The following ZFR2 variants were observed in gnomAD, a reference collection of about 807,000 sequenced individuals.
ZFR2 encodes zinc finger RNA-binding protein 2.
In ZFR2, 104 loss-of-function variants were observed where a neutral mutation model predicts 105.7. The observed-to-expected ratio is 0.98, with a 90% CI of 0.84 to 1.16. ZFR2 has a LOEUF of 1.16. Ranked by LOEUF, ZFR2 falls within the 50% of genes most tolerant of loss-of-function variation. The probability of loss-of-function intolerance (pLI) is 0.00; values close to 1 mark genes in which losing one functional copy is unlikely to be tolerated. For missense variants in ZFR2, 1,425 were observed against 1,355.5 expected (o/e 1.05, Z -0.80); for synonymous variants, 634 against 597.7 (o/e 1.06, Z -0.89).
intron 1 of ZFR2, among the ~76,000 whole-genome samples, chr19:3,837,556 C>G (rs1239397693): frequency 6.7e-6 from 1 of 150,044 alleles, no homozygotes; most frequent in Non-Finnish European, 1.5e-5. Flanking sequence ...CGATGAACAC[C>G]GTGACCGTGA....
intron 1 of ZFR2, among the ~76,000 whole-genome samples, chr19:3,866,062 G>A (rs957230621): frequency 7.9e-5 from 12 of 152,132 alleles, no homozygotes; most frequent in African/African-American, 2.4e-4. Flanking sequence ...GGCTGGTCTC[G>A]AACTCCTGAC....
intron 1 of ZFR2, among the ~76,000 whole-genome samples, chr19:3,867,011 T>A (rs1294386742): frequency 6.6e-6 from 1 of 152,120 alleles, no homozygotes; most frequent in African/African-American, 2.4e-5. Flanking sequence ...TTTCTCTTTG[T>A]GATTCCATTA....
At chr19:3,868,585 C>A (rs2038461646) in intron 1 of ZFR2, among the ~76,000 whole-genome samples, 1 of 151,476 alleles carries the variant, frequency 6.6e-6, no homozygotes, top group Non-Finnish European at 1.5e-5. Flanking sequence ...GACCACCCAC[C>A]CCCCGCCCGG....
rs1465118503 is a variant in ZFR2, at chr19:3,831,367, G to A, written c.788C>T (p.Ala263Val). The change falls in exon 5 of 19, where the codon GCG (alanine) becomes GTG (valine). Residue 263 changes from alanine (A) to valine (V), a missense_variant. Coordinates refer to ENST00000262961, the MANE Select transcript of ZFR2 (RefSeq NM_015174.2). ...PLPSKLPRPK[A>V]GPRQLQLHYC... ...GTGAAGCTGGAGCTGCCTGGGCCCC[G>A]CCTTGGGTCTCGGCAGCTTGCTGGG... is the stretch of plus-strand genomic sequence containing the variant. 15 of 1,557,336 alleles carry A rather than the reference G, an allele frequency of 9.6e-6. No homozygotes were observed. The highest frequency in any genetic ancestry group is 8.1e-5 in the African/African-American group (6 of 73,638).
intron 1 of ZFR2, among the ~76,000 whole-genome samples, chr19:3,839,441 G>A (rs1599242931): frequency 6.7e-6 from 1 of 150,118 alleles, no homozygotes; most frequent in South Asian, 2.1e-4. Flanking sequence ...GCTGAGGCAC[G>A]AGAATCGCTG....
intron 1 of ZFR2, among the ~76,000 whole-genome samples, chr19:3,836,595 T>C (rs76929091): frequency 0.014 from 2,187 of 152,334 alleles, 54 homozygotes; most frequent in African/African-American, 0.05. Flanking sequence ...ATAATTACTT[T>C]AGTTAGCACT....
In ZFR2 at chr19:3,834,519, G is replaced by A. The variant is rs1283111966; in HGVS notation, c.264+254C>T. 4.6e-5 allele frequency among the ~76,000 whole-genome samples: 7 copies of A among 152,152 alleles called. No homozygotes were observed. The highest frequency in any genetic ancestry group is 2.6e-4 in the Admixed American group (4 of 15,274). ...CTGAAGCTGGGACAAAGCTCTGTGC[G>A]CCGTCACTGTCCCCACTGCCCCGAC... On this transcript the variant is annotated intron_variant, in intron 2 of 18. Transcript: ENST00000262961. The surrounding 1 kb of genome is among the most constrained non-coding windows in gnomAD (Gnocchi z 5.3).
intron 1 of ZFR2, among the ~76,000 whole-genome samples, chr19:3,860,095 A>G (rs2038354910): frequency 6.6e-6 from 1 of 152,032 alleles, no homozygotes; most frequent in African/African-American, 2.4e-5. Flanking sequence ...CAGTAGCACA[A>G]TCATAGTTCA....
intron 17 of ZFR2, among the ~76,000 whole-genome samples, chr19:3,807,971 G>C (rs530047231): frequency 1.4e-5 from 2 of 148,028 alleles, no homozygotes; most frequent in Non-Finnish European, 3.0e-5. Context: ...GTGTGTGCCC[G>C]TGCGTGCTTG....
intron 1 of ZFR2, among the ~76,000 whole-genome samples, chr19:3,836,659 C>T (rs1248268485): frequency 6.6e-6 from 1 of 152,152 alleles, no homozygotes. Context: ...TTGCACAGTG[C>T]CGAGGCCTTT....
intron 3 of ZFR2, among the ~76,000 whole-genome samples, chr19:3,832,172 G>A (rs947383701): frequency 5.3e-5 from 8 of 152,082 alleles, no homozygotes; most frequent in Admixed American, 3.9e-4. Flanking sequence ...CTGCCACCCC[G>A]GGAAAGCTTC....
chr19:3,833,814 CGGA>C (rs759147672), intron 2 of ZFR2, 36 bp from the exon 3 acceptor site: 2 of 1,516,214 alleles, frequency 1.3e-6, no homozygotes, highest in Non-Finnish European at 1.8e-6. Flanking sequence ...AGACAGAGAA[CGGA>C]GGAGAGCAGC....
At chr19:3,817,576 A>G (rs865998143) in intron 12 of ZFR2, among the ~76,000 whole-genome samples, 5 of 120,244 alleles carry the variant, frequency 4.2e-5, no homozygotes, top group South Asian at 2.8e-4. Flanking sequence ...TGATAATAAT[A>G]ATAATAATAA....
rs781068252 is a variant in ZFR2, at chr19:3,827,591, G to A, written c.915C>T (p.Gly305=). 75 of 1,576,096 alleles carry A rather than the reference G, an allele frequency of 4.8e-5. No individual in the cohort carries two copies. The highest frequency in any genetic ancestry group is 6.2e-5 in the Non-Finnish European group (72 of 1,161,452). ...HRKKEAAQKT[G]VQPNGSPRGV... is the part of the protein sequence containing the mutation. ...CGCGCGGGCTCCCGTTGGGCTGCACGCCTGTCTTCTGGGCCGCCTCCTTCT... is the reference window on the plus strand; with the variant it reads ...CGCGCGGGCTCCCGTTGGGCTGCACACCTGTCTTCTGGGCCGCCTCCTTCT... Residue 305 remains glycine (G), a synonymous_variant, in exon 6 of 19, where the codon GGC becomes GGT. Coordinates refer to ENST00000262961, the MANE Select transcript of ZFR2 (RefSeq NM_015174.2).
At position 3,838,088 on chromosome 19, in the gene ZFR2, C is replaced by T. The variant is rs1000135816; in HGVS notation, c.54-3105G>A. Among the ~76,000 whole-genome samples, 5 of 151,268 alleles carry T rather than the reference C, an allele frequency of 3.3e-5. No homozygotes were observed. The highest frequency in any genetic ancestry group is 9.7e-5 in the African/African-American group (4 of 41,052). ...CGTGATGAACACCATGACCGTGACA[C>T]GCGATGAACACCGTGACCGTGACAC... is the stretch of plus-strand genomic sequence containing the variant. On this transcript the variant is annotated intron_variant, in intron 1 of 18. Transcript: ENST00000262961. The surrounding 1 kb of genome is among the most constrained non-coding windows in gnomAD (Gnocchi z 4.9).
chr19:3,810,512 C>G (rs2037750694), intron 16 of ZFR2, among the ~76,000 whole-genome samples: 1 of 152,228 alleles, frequency 6.6e-6, no homozygotes, highest in Admixed American at 6.5e-5. Context: ...ATTTCCCTGG[C>G]CAGTCCCACA....
At chr19:3,846,009 C>T (rs1262573610) in intron 1 of ZFR2, among the ~76,000 whole-genome samples, 2 of 152,200 alleles carry the variant, frequency 1.3e-5, no homozygotes, top group Non-Finnish European at 2.9e-5. Context: ...CGGAGTCTTG[C>T]TCTGTCGCCA....
At chr19:3,815,241 C>G (rs749218433) in intron 13 of ZFR2, among the ~76,000 whole-genome samples, 15 of 152,130 alleles carry the variant, frequency 9.9e-5, no homozygotes, top group Non-Finnish European at 2.2e-4. Flanking sequence ...AGGCGCCCAC[C>G]ACCATGCCCG....
intron 1 of ZFR2, among the ~76,000 whole-genome samples, chr19:3,841,200 G>A (rs1334423792): frequency 1.3e-5 from 2 of 152,248 alleles, no homozygotes; most frequent in Non-Finnish European, 2.9e-5. Context: ...AGTGCAAGGA[G>A]GGTGGAGGAA....
Sources: allele counts gnomAD v4.1 joint callset (sites outside exome capture counted in the v4.1 genomes callset), GRCh38; gene constraint gnomAD v4.1.1; non-coding constraint Gnocchi (gnomAD v3.1); transcripts MANE v1.5; gene names NCBI Gene and HGNC (gene_info 2026-07-23, HGNC 2026-07-21).